The following ZNF335 variants were observed in gnomAD, a reference collection of about 807,000 sequenced individuals.
ZNF335 encodes the protein zinc finger protein 335.
ZNF335 carries 84 observed loss-of-function variants against 145.6 expected under a neutral mutation model. That is an observed-to-expected ratio of 0.58 (90% CI 0.48 to 0.69). ZNF335 has a LOEUF of 0.69. Among genes scored for constraint, ZNF335 ranks in the 30% least tolerant of loss-of-function variants. The probability of loss-of-function intolerance (pLI) is 0.00; values close to 1 mark genes in which losing one functional copy is unlikely to be tolerated. For synonymous variants in ZNF335, 761 were observed against 717.0 expected, an observed-to-expected ratio of 1.06 and a Z score of -0.98; for missense variants, 1,865 against 1,809.7, an observed-to-expected ratio of 1.03 and a Z score of -0.55.
At chr20:45,952,784 C>T in intron 18 of ZNF335, 75 bp from the exon 19 acceptor site, 4 of 1,366,604 alleles carry the variant, frequency 2.9e-6, no homozygotes, top group Non-Finnish European at 4.1e-6. Context: ...CAGGCATCAA[C>T]TGAGGAGTGA....
chr20:45,968,653 T>C (rs997192605), intron 3 of ZNF335: 3 of 387,728 alleles, frequency 7.7e-6, no homozygotes, highest in Non-Finnish European at 1.4e-5. Flanking sequence ...GAAGTCCTCC[T>C]TCCTCTCCAA....
rs1399233278 is a variant in ZNF335, at chr20:45,949,962, T to C, written c.3591+4A>G. The C allele has an allele frequency of 1.2e-6, 2 of 1,613,992 alleles. No homozygotes were observed. The highest frequency in any genetic ancestry group is 2.2e-5 in the East Asian group (1 of 44,900). ...GCCAGAGGGCCCCCAGTCCTGACTC[T>C]TACCTGATTGGTCACTGTCTGTTCC... On this transcript the variant is annotated splice_donor_region_variant and intron_variant, in intron 23 of 27. Transcript: ENST00000322927.
intron 1 of ZNF335, 184 bp from the exon 2 acceptor site, chr20:45,971,644 C>T: frequency 1.0e-6 from 1 of 985,482 alleles, no homozygotes; most frequent in Non-Finnish European, 1.2e-6. Flanking sequence ...AGCTGTGCTT[C>T]CCAGGCTAAG....
In ZNF335 at chr20:45,949,090, G is replaced by A. The variant is rs765348262; in HGVS notation, c.3902-10C>T. 9 of 1,613,608 alleles carry A rather than the reference G, an allele frequency of 5.6e-6. No homozygotes were observed. The East Asian group carries it at 1.8e-4, about 32-fold the overall frequency. On this transcript the variant is annotated splice_polypyrimidine_tract_variant and intron_variant, in intron 27 of 27. Transcript: ENST00000322927. The stretch of plus-strand genomic sequence containing the variant: ...GCAGCATCAGCCACTGCTGCCAGGG[G>A]AGGGGAAAGTATGGTGAGCTGGAGG...
chr20:45,962,923 C>T (rs1321838864), intron 9 of ZNF335, among the ~76,000 whole-genome samples: 1 of 150,832 alleles, frequency 6.6e-6, no homozygotes, highest in Admixed American at 6.6e-5. Flanking sequence ...AAGCGATTCT[C>T]CTGCCTCAGC....
At chr20:45,970,887 T>C (rs1181022968) in intron 2 of ZNF335, among the ~76,000 whole-genome samples, 2 of 151,594 alleles carry the variant, frequency 1.3e-5, no homozygotes, top group Non-Finnish European at 2.9e-5. Flanking sequence ...CTACCACTCC[T>C]GGCCTAGACA....
chr20:45,949,953 T>C lies in ZNF335; in HGVS notation c.3591+13A>G. The C allele has an allele frequency of 6.2e-7, 1 of 1,614,154 alleles. No homozygotes were observed. Among genetic ancestry groups the C allele is most frequent in the Non-Finnish European group, 8.5e-7 (1 of 1,180,012 alleles). On this transcript the variant is annotated intron_variant, in intron 23 of 27. Transcript: ENST00000322927. Reference sequence around the variant, plus strand: ...CTGTCGCTGGCCAGAGGGCCCCCAGTCCTGACTCTTACCTGATTGGTCACT... The same window carrying C: ...CTGTCGCTGGCCAGAGGGCCCCCAGCCCTGACTCTTACCTGATTGGTCACT...
At chr20:45,971,163 T>G in intron 2 of ZNF335, 47 bp downstream of exon 2, 1 of 1,473,308 alleles carries the variant, frequency 6.8e-7, no homozygotes, top group South Asian at 1.4e-5. Flanking sequence ...CAGGCACTGC[T>G]GCTCGCGGTC....
chr20:45,950,502 G>A lies in ZNF335; in HGVS notation c.3283C>T (p.Leu1095=). The A allele has an allele frequency of 6.2e-7, 1 of 1,614,246 alleles. No homozygotes were observed. The highest frequency in any genetic ancestry group is 8.5e-7 in the Non-Finnish European group (1 of 1,180,052). ...KNKKDLRRHM[L]THTKEKPFAC... is the part of the protein sequence containing the mutation. ...AAAGGCTTCTCCTTTGTGTGAGTCAGCATGTGCCGACGCAGGTCCTTCTTG... is the reference window on the plus strand; with the variant it reads ...AAAGGCTTCTCCTTTGTGTGAGTCAACATGTGCCGACGCAGGTCCTTCTTG... Residue 1095 remains leucine, a synonymous_variant, in exon 21 of 28, where the codon CTG becomes TTG. Coordinates refer to ENST00000322927, the MANE Select transcript of ZNF335 (RefSeq NM_022095.4).
chr20:45,960,545 G>T lies in ZNF335; in HGVS notation c.1783-20C>A, dbSNP rs541411862. ...TCCACACTGTGAGGGGTGGAGAGCA[G>T]TGAGATGGCGATCACCCTCCATCAC... On this transcript the variant is annotated intron_variant, in intron 12 of 27. Transcript: ENST00000322927. 6.2e-7 allele frequency: 1 copy of T among 1,614,118 alleles called. No homozygotes were observed. The highest frequency in any genetic ancestry group is 1.3e-5 in the African/African-American group (1 of 75,034).
rs756035234 is a variant in ZNF335 at position 45,959,290 on chromosome 20, G to A, written c.2164C>T (p.Pro722Ser). ...HPEEPPSRRRPFFSLQQIEEL... is the reference protein window; with the variant it reads ...HPEEPPSRRRSFFSLQQIEEL... ...TCAATCTGCTGCAGAGAGAAGAAGGGGCGACGGCGGGAGGGGGGCTCCTCA... is the reference window on the plus strand; with the variant it reads ...TCAATCTGCTGCAGAGAGAAGAAGGAGCGACGGCGGGAGGGGGGCTCCTCA... The change falls in exon 15 of 28, where the codon CCC (proline) becomes TCC (serine). Residue 722 changes from proline to serine, a missense_variant. By Grantham distance (74) the Pro-to-Ser change is moderately conservative (BLOSUM62 -1). Transcript: ENST00000322927. 1.3e-6 allele frequency: 2 copies of A among 1,558,908 alleles called. No individual in the cohort carries two copies. The highest frequency in any genetic ancestry group is 1.7e-4 in the Middle Eastern group (1 of 5,864).
rs773088833 is a variant in ZNF335 at position 45,967,621 on chromosome 20, T to TGCG, written c.825_827dup (p.Ala279dup). 72 of 1,613,888 alleles carry TGCG rather than the reference T, an allele frequency of 4.5e-5. No homozygotes were observed. The Middle Eastern group carries it at 8.2e-4, about 18-fold the overall frequency. On this transcript the variant is annotated inframe_insertion, in exon 6 of 28. Coordinates refer to ENST00000322927, the MANE Select transcript of ZNF335 (RefSeq NM_022095.4). ...GACGTCCTTTTTTACCAGCTGCTGC[T>TGCG]GCGGCTGCTGCTACTGGAAGTGGAG...
chr20:45,957,481 G>C lies in ZNF335; in HGVS notation c.2442+105C>G, dbSNP rs2083749749. 3 of 1,096,094 alleles carry C rather than the reference G, an allele frequency of 2.7e-6. No homozygotes were observed. The East Asian group carries it at 7.6e-5, about 28-fold the overall frequency. 67.9% of individuals were successfully genotyped at this position (1,096,094 alleles called of 1,614,324 possible). ...TCCTCCACTGCCTGGGAGCTCCCAA[G>C]GGCGGAGAAGCTCTGATACACTGTT... On this transcript the variant is annotated intron_variant, in intron 17 of 27. Coordinates refer to ENST00000322927, the MANE Select transcript of ZNF335 (RefSeq NM_022095.4).
intron 17 of ZNF335, among the ~76,000 whole-genome samples, 160 bp downstream of exon 17, chr20:45,957,426 G>C (rs548840365): frequency 2.0e-5 from 3 of 152,344 alleles, no homozygotes; most frequent in African/African-American, 7.2e-5. Flanking sequence ...GTTCCTCTCT[G>C]TTTGCCCACC....
chr20:45,963,763 G>A lies in ZNF335; in HGVS notation c.1330C>T (p.Arg444Cys), dbSNP rs151210181. Residue 444 changes from arginine to cysteine, a missense_variant, in exon 8 of 28, where the codon CGC (arginine) becomes TGC (cysteine). By Grantham distance (180) the Arg-to-Cys change is radical. Coordinates refer to ENST00000322927, the MANE Select transcript of ZNF335 (RefSeq NM_022095.4). The part of the protein sequence containing the change: ...LPRRRGRPSR[R>C]FLGKKYRKYY... ...TTGCGGTATTTCTTGCCTAGGAAGC[G>A]CCTGGAAGGTCGACCTCGGCGCCGG... The A allele has an allele frequency of 2.1e-5, 34 of 1,614,156 alleles. No homozygotes were observed. The highest frequency in any genetic ancestry group is 2.7e-5 in the Non-Finnish European group (32 of 1,180,008).
rs1037154532 is a variant in ZNF335, at chr20:45,963,527, C to G, written c.1479G>C (p.Gln493His). ...AGCTGCACTGCAGGCACTTGAAGAG[C>G]TGGGGATCGCCAGCCTCATGGGAGT... ...HVNSHEAGDP[Q>H]LFKCLQCSYR... Residue 493 changes from glutamine to histidine, a missense_variant, in exon 9 of 28, where the codon CAG (glutamine) becomes CAC (histidine). Coordinates refer to ENST00000322927, the MANE Select transcript of ZNF335 (RefSeq NM_022095.4). 2 of 1,614,198 alleles carry G rather than the reference C, an allele frequency of 1.2e-6. No homozygotes were observed. The highest frequency in any genetic ancestry group is 1.7e-6 in the Non-Finnish European group (2 of 1,180,044).
intron 18 of ZNF335, among the ~76,000 whole-genome samples, chr20:45,953,274 A>ACC (rs1375254340): frequency 3.3e-5 from 5 of 152,100 alleles, no homozygotes; most frequent in African/African-American, 1.2e-4. Context: ...CAATGCTGGT[A>ACC]AAGAGGCCTG....
At chr20:45,950,962 G>A (rs1291460832) in intron 20 of ZNF335, among the ~76,000 whole-genome samples, 2 of 151,844 alleles carry the variant, frequency 1.3e-5, no homozygotes, top group African/African-American at 2.4e-5. Flanking sequence ...GCGTGATCTC[G>A]GCTCACTGCA....
At chr20:45,962,499 A>G in intron 9 of ZNF335, among the ~76,000 whole-genome samples, 1 of 152,034 alleles carries the variant, frequency 6.6e-6, no homozygotes, top group Non-Finnish European at 1.5e-5. Context: ...CGCAGCCTCC[A>G]CCTCTCCCAC....
Sources: allele counts gnomAD v4.1 joint callset (sites outside exome capture counted in the v4.1 genomes callset), GRCh38; gene constraint gnomAD v4.1.1; transcripts MANE v1.5; gene names NCBI Gene and HGNC (gene_info 2026-07-23, HGNC 2026-07-21).